Variants in FRY observed in about 807,000 individuals in gnomAD.
FRY encodes protein furry homolog.
Under a neutral mutation model 348.4 loss-of-function variants are expected in FRY, and 128 were observed. The observed-to-expected ratio is 0.37, with a 90% CI of 0.32 to 0.43. FRY has a LOEUF of 0.43. Among genes scored for constraint, FRY ranks in the 20% least tolerant of loss-of-function variants. The probability of loss-of-function intolerance (pLI) is 1.00; values close to 1 mark genes in which losing one functional copy is unlikely to be tolerated. For synonymous variants in FRY, 1,370 were observed against 1,374.7 expected, an observed-to-expected ratio of 1.00 and a Z score of 0.08; for missense variants, 2,736 against 3,695.2, an observed-to-expected ratio of 0.74 and a Z score of 6.73.
intron 2 of FRY, chr13:32,085,942 A>G (rs899319672): frequency 3.9e-6 from 2 of 519,024 alleles, no homozygotes. Context: ...CAAACAAAGT[A>G]CTTAAGAGAA....
intron 59 of FRY, among the ~76,000 whole-genome samples, chr13:32,292,620 T>C (rs2858212): frequency 0.5 from 75,373 of 151,152 alleles, 20,362 homozygotes; most frequent in Non-Finnish European, 0.6. Flanking sequence ...GGTGAAACCC[T>C]GCCTCTACTA....
intron 43 of FRY, among the ~76,000 whole-genome samples, chr13:32,236,754 C>A (rs949259685): frequency 6.6e-6 from 1 of 151,730 alleles, no homozygotes; most frequent in Admixed American, 6.6e-5. Context: ...ATCTTGTATC[C>A]GATTGGGCCT....
chr13:32,109,332 C>T (rs1877801037), intron 3 of FRY, among the ~76,000 whole-genome samples: 3 of 152,096 alleles, frequency 2.0e-5, no homozygotes, highest in Middle Eastern at 6.8e-3. Context: ...CAGGAATTCT[C>T]AATCCCAGAA....
At chr13:32,278,747 G>A (rs761982769) in intron 58 of FRY, 199 bp downstream of exon 58, 49 of 677,436 alleles carry the variant, frequency 7.2e-5, no homozygotes, top group Non-Finnish European at 1.1e-4. Flanking sequence ...AGGTTTCTTC[G>A]TTTTGGAAAA....
At chr13:32,136,828 T>G (rs1220680876) in intron 10 of FRY, 43 bp from the exon 11 acceptor site, 5 of 1,083,318 alleles carry the variant, frequency 4.6e-6, no homozygotes, top group Admixed American at 1.7e-5. Flanking sequence ...CCTGGTTTGT[T>G]GAAATATAAA....
rs543041997 is a variant in FRY, at chr13:32,157,670, A to G, written c.1784+265A>G. Among the ~76,000 whole-genome samples, 156 of 152,348 alleles carry G rather than the reference A, an allele frequency of 1.0e-3. 5 individuals carry two copies. The South Asian group carries it at 0.014, about 14-fold the overall frequency. Reference sequence around the variant, plus strand: ...CATGACCCACTAGTCCATGTTTTTCAGAAATGGCATTTTGTTCCCAGGCAC... The same window carrying G: ...CATGACCCACTAGTCCATGTTTTTCGGAAATGGCATTTTGTTCCCAGGCAC... On this transcript the variant is annotated intron_variant, in intron 16 of 60. Transcript: ENST00000542859.
chr13:32,202,023 T>A lies in FRY; in HGVS notation c.3829T>A (p.Ser1277Thr). Reference protein sequence around the residue: ...SDTNREIYEISMQLMQILEAK... With the variant: ...SDTNREIYEITMQLMQILEAK... The stretch of plus-strand genomic sequence containing the variant: ...CACCAACAGAGAGATTTATGAAATC[T>A]CCATGCAGCTCATGCAGGCACGTAT... The change falls in exon 30 of 61, where the codon TCC becomes ACC. Residue 1277 changes from serine (S) to threonine (T), a missense_variant. Physicochemically the swap from Ser to Thr is moderately conservative, Grantham distance 58. Coordinates refer to ENST00000542859, the MANE Select transcript of FRY (RefSeq NM_023037.3). 6.3e-7 allele frequency: 1 copy of A among 1,589,200 alleles called. No homozygotes were observed. The highest frequency in any genetic ancestry group is 8.6e-7 in the Non-Finnish European group (1 of 1,157,498).
chr13:32,238,026 T>C (rs1402264497), intron 44 of FRY, 40 bp downstream of exon 44: 10 of 1,605,090 alleles, frequency 6.2e-6, no homozygotes, highest in Admixed American at 3.3e-5. Flanking sequence ...ATTCTGATGG[T>C]GACTGTGTTC....
At chr13:32,076,227 A>C (rs939545741) in intron 1 of FRY, among the ~76,000 whole-genome samples, 23 of 152,206 alleles carry the variant, frequency 1.5e-4, no homozygotes, top group African/African-American at 5.5e-4. Context: ...TCTTGCAATA[A>C]CTGTATATAT....
At chr13:32,086,507 A>AAAT (rs1566063019) in intron 2 of FRY, among the ~76,000 whole-genome samples, 1 of 152,174 alleles carries the variant, frequency 6.6e-6, no homozygotes, top group Non-Finnish European at 1.5e-5. Flanking sequence ...CTCACTTATT[A>AAAT]GTGAGTCTGT....
At chr13:32,060,234 T>A (rs558383212) in intron 1 of FRY, among the ~76,000 whole-genome samples, 1 of 152,362 alleles carries the variant, frequency 6.6e-6, no homozygotes, top group South Asian at 2.1e-4. Context: ...CTTTTGTTTT[T>A]AAGTAACTTT....
chr13:32,138,181 T>G (rs1383774837), intron 11 of FRY, among the ~76,000 whole-genome samples: 1 of 151,970 alleles, frequency 6.6e-6, no homozygotes, highest in Non-Finnish European at 1.5e-5. Context: ...AGCTCTAACA[T>G]GTAGCCTAGT....
intron 11 of FRY, among the ~76,000 whole-genome samples, chr13:32,142,034 A>G (rs878993833): frequency 2.0e-5 from 3 of 152,188 alleles, no homozygotes; most frequent in Non-Finnish European, 2.9e-5. Context: ...TGAAGCAAGT[A>G]TCTTTGACAC....
At chr13:32,055,632 A>T (rs1873583315) in intron 1 of FRY, among the ~76,000 whole-genome samples, 1 of 152,164 alleles carries the variant, frequency 6.6e-6, no homozygotes, top group Non-Finnish European at 1.5e-5. Flanking sequence ...TCCAAAAAAT[A>T]ATTGAGTTCA....
intron 22 of FRY, among the ~76,000 whole-genome samples, chr13:32,179,274 T>TTG (rs1882552506): frequency 6.6e-6 from 1 of 152,140 alleles, no homozygotes; most frequent in Non-Finnish European, 1.5e-5. Context: ...ATAGAGTGAC[T>TTG]TGTATTTATT....
At chr13:32,171,532 G>A (rs931512088) in intron 18 of FRY, among the ~76,000 whole-genome samples, 3 of 151,768 alleles carry the variant, frequency 2.0e-5, no homozygotes, top group Admixed American at 1.3e-4. Flanking sequence ...GGCTGGTCTC[G>A]AACTCCCAAC....
intron 16 of FRY, among the ~76,000 whole-genome samples, chr13:32,159,084 A>G (rs974949561): frequency 2.0e-5 from 3 of 152,104 alleles, no homozygotes; most frequent in African/African-American, 4.8e-5. Context: ...AAATGTAAAC[A>G]TTTTATTTAT....
chr13:32,115,401 G>A (rs965036740), intron 3 of FRY, among the ~76,000 whole-genome samples: 4 of 152,152 alleles, frequency 2.6e-5, no homozygotes, highest in African/African-American at 9.7e-5. Flanking sequence ...TGCAGTTCAA[G>A]CATGTGTGTG....
At chr13:32,065,162 TA>T (rs574022588) in intron 1 of FRY, among the ~76,000 whole-genome samples, 4 of 152,202 alleles carry the variant, frequency 2.6e-5, no homozygotes. Context: ...TCTTATCTTT[TA>T]AAAAATATTT....
Sources: allele counts gnomAD v4.1 joint callset (sites outside exome capture counted in the v4.1 genomes callset), GRCh38; gene constraint gnomAD v4.1.1; transcripts MANE v1.5; gene names NCBI Gene and HGNC (gene_info 2026-07-23, HGNC 2026-07-21).